ARHGEF10L: variants seen among roughly 807,000 people sequenced by gnomAD.
ARHGEF10L encodes rho guanine nucleotide exchange factor 10-like protein.
Under a neutral mutation model 141.2 loss-of-function variants are expected in ARHGEF10L, and 69 were observed. The ratio of observed to expected loss-of-function variants is 0.49; its 90% confidence interval spans 0.40 to 0.60. ARHGEF10L has a LOEUF of 0.60. Ranked by LOEUF, ARHGEF10L falls within the 20% of genes least tolerant of loss-of-function variation. The pLI is 0.00. For missense variants in ARHGEF10L, 1,482 were observed against 1,734.3 expected (o/e 0.85, Z 2.58); for synonymous variants, 711 against 718.5 (o/e 0.99, Z 0.17).
chr1:17,605,790 AC>A (rs1318967557), intron 6 of ARHGEF10L, among the ~76,000 whole-genome samples: 18 of 152,142 alleles, frequency 1.2e-4, no homozygotes, highest in Admixed American at 1.2e-3. Context: ...CCTCAGGGCT[AC>A]CCTGAGAACT....
the ARHGEF10L span, among the ~76,000 whole-genome samples, chr1:17,527,027 A>C: frequency 6.6e-6 from 1 of 151,934 alleles, no homozygotes; most frequent in Non-Finnish European, 1.5e-5. Flanking sequence ...CCGGGATCCC[A>C]CTCTGCTTTC....
rs34766409 is a variant in ARHGEF10L, at chr1:17,552,571, GTTTTTTTTTTTTT to G, written c.-44+12641_-44+12653del. On this transcript the variant is annotated intron_variant, in intron 1 of 28. Coordinates refer to ENST00000361221, the MANE Select transcript of ARHGEF10L (RefSeq NM_018125.4). The stretch of plus-strand genomic sequence containing the variant: ...ATGCTACCACAGCTGGCTAATTTTC[GTTTTTTTTTTTTT>G]TTTTTTTTTTTTTTTTTTTAGTAGA... Among the ~76,000 whole-genome samples, 123 of 44,938 alleles carry G rather than the reference GTTTTTTTTTTTTT, an allele frequency of 2.7e-3. 1 individual carries two copies. Among genetic ancestry groups the G allele is most frequent in the African/African-American group, 0.013 (109 of 8,578 alleles). The allele number at this position is 44,938 out of a possible 152,430, so 29.5% of individuals were successfully genotyped here.
chr1:17,676,184 A>AGGTGTGGGTG, intron 26 of ARHGEF10L, among the ~76,000 whole-genome samples: 1 of 54,560 alleles, frequency 1.8e-5, no homozygotes, highest in Non-Finnish European at 3.6e-5. Context: ...AGGTGTGGGT[A>AGGTGTGGGTG]CAGGTGTAGG....
At chr1:17,608,028 T>A in intron 7 of ARHGEF10L, 51 bp downstream of exon 7, 1 of 289,622 alleles carries the variant, frequency 3.5e-6, no homozygotes, top group Non-Finnish European at 7.1e-6. Context: ...GGAGACCCCT[T>A]CAGGGAGGGA....
At chr1:17,687,521 G>T (rs2064706272) in intron 26 of ARHGEF10L, 52 bp from the exon 27 acceptor site, 1 of 1,602,506 alleles carries the variant, frequency 6.2e-7, no homozygotes, top group Non-Finnish European at 8.5e-7. Context: ...CTTGTAGGGA[G>T]GCTCAGCTGG....
At chr1:17,555,052 C>G (rs1246582731) in intron 1 of ARHGEF10L, among the ~76,000 whole-genome samples, 1 of 152,196 alleles carries the variant, frequency 6.6e-6, no homozygotes, top group African/African-American at 2.4e-5. Context: ...GTACCCAAGT[C>G]CCACCTCCTC....
At chr1:17,578,288 A>G (rs2078305498) in intron 1 of ARHGEF10L, among the ~76,000 whole-genome samples, 1 of 152,196 alleles carries the variant, frequency 6.6e-6, no homozygotes, top group Non-Finnish European at 1.5e-5. Context: ...TTTGTTTTCC[A>G]AAATCCTTTG....
intron 1 of ARHGEF10L, among the ~76,000 whole-genome samples, chr1:17,560,750 A>G (rs576012237): frequency 1.3e-5 from 2 of 152,252 alleles, no homozygotes; most frequent in South Asian, 4.1e-4. Context: ...TTTTTAGTAG[A>G]GGTGGGGTTT....
intron 7 of ARHGEF10L, among the ~76,000 whole-genome samples, chr1:17,609,618 C>T (rs1017860105): frequency 5.9e-5 from 9 of 152,148 alleles, no homozygotes; most frequent in African/African-American, 2.2e-4. Flanking sequence ...TCATGCCCTT[C>T]AAAACATAAT....
intron 26 of ARHGEF10L, among the ~76,000 whole-genome samples, chr1:17,676,339 G>T (rs1164524298): frequency 6.8e-6 from 1 of 147,978 alleles, no homozygotes; most frequent in African/African-American, 2.5e-5. Context: ...ACGTGTGGGT[G>T]CAGGCGTGGG....
At chr1:17,539,561 G>A (rs1162204307), upstream of ARHGEF10L, among the ~76,000 whole-genome samples, 2 of 151,900 alleles carry the variant, frequency 1.3e-5, no homozygotes, top group Non-Finnish European at 2.9e-5. This position sits in a 1 kb window ranked among gnomAD's most constrained non-coding sequence, Gnocchi z 6.0. Flanking sequence ...GGCTCGCAGC[G>A]GGTCGGGGGA....
chr1:17,622,979 C>T lies in ARHGEF10L; in HGVS notation c.1021-17C>T, dbSNP rs759220354. 6.2e-7 allele frequency: 1 copy of T among 1,606,188 alleles called. No individual in the cohort carries two copies. The highest frequency in any genetic ancestry group is 1.1e-5 in the South Asian group (1 of 90,482). The stretch of plus-strand genomic sequence containing the variant: ...GCTGCGGCCTGGCCTGCGGCCTCAC[C>T]CCGCCCTCCCCGGCAGGACTACCGC... On this transcript the variant is annotated splice_polypyrimidine_tract_variant and intron_variant, in intron 11 of 28. Transcript: ENST00000361221.
chr1:17,600,540 C>T (rs2080546782), intron 4 of ARHGEF10L, among the ~76,000 whole-genome samples: 1 of 152,154 alleles, frequency 6.6e-6, no homozygotes. Context: ...CTCACATGGC[C>T]TTGGCACAGT....
At chr1:17,541,348 G>A (rs1215036350) in intron 1 of ARHGEF10L, among the ~76,000 whole-genome samples, 1 of 152,228 alleles carries the variant, frequency 6.6e-6, no homozygotes, top group Non-Finnish European at 1.5e-5. Context: ...AGTGGAACAG[G>A]GGCCATGTCT....
intron 1 of ARHGEF10L, among the ~76,000 whole-genome samples, chr1:17,548,064 G>A (rs1047567576): frequency 2.0e-5 from 3 of 152,134 alleles, no homozygotes; most frequent in Admixed American, 6.5e-5. Context: ...CATAAGGCAT[G>A]GAGATTTGAC....
intron 7 of ARHGEF10L, among the ~76,000 whole-genome samples, chr1:17,609,321 A>C (rs141747659): frequency 1.7e-4 from 26 of 152,312 alleles, no homozygotes; most frequent in African/African-American, 6.3e-4. Flanking sequence ...GGGACTGAGC[A>C]GGTCTCTCTC....
At chr1:17,521,087 C>T in the ARHGEF10L span, among the ~76,000 whole-genome samples, 17 of 152,146 alleles carry the variant, frequency 1.1e-4, 1 homozygote, top group South Asian at 8.3e-4. Context: ...TTTATGGGCT[C>T]ACATTTGGAA....
At chr1:17,634,642 C>A in intron 17 of ARHGEF10L, 80 bp downstream of exon 17, 2 of 1,568,272 alleles carry the variant, frequency 1.3e-6, no homozygotes, top group South Asian at 1.2e-5. Flanking sequence ...GGATATGGGG[C>A]TGGGGCCTGG....
At chr1:17,522,040 A>G in the ARHGEF10L span, among the ~76,000 whole-genome samples, 1 of 152,226 alleles carries the variant, frequency 6.6e-6, no homozygotes, top group East Asian at 1.9e-4. Flanking sequence ...TGTGTGCAAC[A>G]ACAGAGGGAG....
Sources: gnomAD v4.1 joint callset for allele counts (sites outside exome capture counted in the v4.1 genomes callset) on GRCh38, gnomAD v4.1.1 for gene constraint, Gnocchi (gnomAD v3.1) non-coding constraint, MANE v1.5 for transcripts, NCBI Gene and HGNC (gene_info 2026-07-23, HGNC 2026-07-21) for gene names.